Variants in EDIL3 observed in about 807,000 individuals in gnomAD.
The protein encoded by EDIL3 is EGF-like repeat and discoidin I-like domain-containing protein 3.
EDIL3 carries 37 observed loss-of-function variants against 67.4 expected under a neutral mutation model. The ratio of observed to expected loss-of-function variants is 0.55; its 90% CI spans 0.42 to 0.72. The LOEUF is 0.72. Ranked by LOEUF, EDIL3 falls within the 30% of genes least tolerant of loss-of-function variation. The pLI is 0.00. For synonymous variants in EDIL3, 195 were observed against 196.3 expected (o/e 0.99, Z 0.05); for missense variants, 527 against 586.3 (o/e 0.90, Z 1.04).
chr5:84,277,301 G>A (rs776972184), intron 1 of EDIL3, among the ~76,000 whole-genome samples: 20 of 152,012 alleles, frequency 1.3e-4, no homozygotes, highest in Non-Finnish European at 2.5e-4. Flanking sequence ...AGGTTATACC[G>A]AGAAGAGAGC....
intron 1 of EDIL3, among the ~76,000 whole-genome samples, chr5:84,300,712 T>C (rs142295275): frequency 1.6e-4 from 24 of 152,326 alleles, no homozygotes; most frequent in Non-Finnish European, 1.0e-4. Flanking sequence ...ATAATAATTA[T>C]ATAAGTGCTT....
At chr5:84,183,611 A>G (rs960918388) in intron 3 of EDIL3, among the ~76,000 whole-genome samples, 1 of 152,220 alleles carries the variant, frequency 6.6e-6, no homozygotes, top group African/African-American at 2.4e-5. Flanking sequence ...TATGAGAAAA[A>G]TTAGGTTTAA....
intron 4 of EDIL3, among the ~76,000 whole-genome samples, chr5:84,159,671 G>A (rs1305277677): frequency 6.6e-6 from 1 of 151,698 alleles, no homozygotes; most frequent in African/African-American, 2.4e-5. Flanking sequence ...ATAATAAACT[G>A]TATATAGGAA....
chr5:84,334,130 T>C (rs1467789278), intron 1 of EDIL3, among the ~76,000 whole-genome samples: 12 of 150,944 alleles, frequency 7.9e-5, no homozygotes, highest in Non-Finnish European at 8.9e-5. Flanking sequence ...GCAGTGGTGC[T>C]ATCTCGGCTC....
intron 1 of EDIL3, among the ~76,000 whole-genome samples, chr5:84,372,858 TAA>T (rs1389835958): frequency 5.3e-5 from 8 of 152,202 alleles, no homozygotes; most frequent in Non-Finnish European, 8.8e-5. Context: ...CAATTATTAT[TAA>T]GATTGTAATG....
At chr5:84,206,979 C>T (rs1419548501) in intron 3 of EDIL3, among the ~76,000 whole-genome samples, 1 of 152,158 alleles carries the variant, frequency 6.6e-6, no homozygotes. Context: ...CCTTTGAAAA[C>T]TGGCACAAGA....
chr5:84,149,524 C>G (rs558878369), intron 4 of EDIL3, among the ~76,000 whole-genome samples: 151 of 152,238 alleles, frequency 9.9e-4, no homozygotes, highest in Non-Finnish European at 1.9e-3. Flanking sequence ...CTAGAAGGAT[C>G]AAACTGTTTC....
chr5:84,124,469 C>T (rs1051109857), intron 5 of EDIL3, among the ~76,000 whole-genome samples: 3 of 143,960 alleles, frequency 2.1e-5, no homozygotes, highest in African/African-American at 2.5e-5. Context: ...TTGTTCAAAA[C>T]AGGTGAAATG....
At chr5:84,298,852 A>T (rs548253021) in intron 1 of EDIL3, among the ~76,000 whole-genome samples, 1 of 152,152 alleles carries the variant, frequency 6.6e-6, no homozygotes, top group South Asian at 2.1e-4. Flanking sequence ...TTCCTCTCTT[A>T]TCTGATTCAA....
At chr5:84,227,059 C>T (rs1297370887) in intron 3 of EDIL3, among the ~76,000 whole-genome samples, 1 of 151,890 alleles carries the variant, frequency 6.6e-6, no homozygotes, top group Non-Finnish European at 1.5e-5. Context: ...TGGCAGATGA[C>T]TTAGTAAGGT....
chr5:84,113,373 G>T (rs1377961873), intron 5 of EDIL3, among the ~76,000 whole-genome samples: 1 of 152,146 alleles, frequency 6.6e-6, no homozygotes, highest in African/African-American at 2.4e-5. Flanking sequence ...TACACTGCCT[G>T]AATTGTCTGA....
At chr5:84,185,384 T>C (rs1580366619) in intron 3 of EDIL3, among the ~76,000 whole-genome samples, 1 of 152,306 alleles carries the variant, frequency 6.6e-6, no homozygotes, top group South Asian at 2.1e-4. Context: ...TCTGTAATTA[T>C]AATGTGAGAC....
At chr5:84,118,632 G>C (rs1420453052) in intron 5 of EDIL3, among the ~76,000 whole-genome samples, 1 of 152,138 alleles carries the variant, frequency 6.6e-6, no homozygotes, top group Non-Finnish European at 1.5e-5. Flanking sequence ...TAAAGAAAAA[G>C]TGTGTCCTAC....
chr5:84,155,391 G>A (rs1255195706), intron 4 of EDIL3, among the ~76,000 whole-genome samples: 1 of 152,144 alleles, frequency 6.6e-6, no homozygotes, highest in Non-Finnish European at 1.5e-5. Flanking sequence ...TCTCTTAGGG[G>A]ATTTGGCATT....
chr5:84,053,312 G>T (rs373609672), intron 9 of EDIL3, among the ~76,000 whole-genome samples: 4 of 152,022 alleles, frequency 2.6e-5, no homozygotes, highest in South Asian at 2.1e-4. Flanking sequence ...CAAAGCAGTG[G>T]GTAGAGGGAA....
intron 4 of EDIL3, among the ~76,000 whole-genome samples, chr5:84,167,883 T>C (rs1748736453): frequency 6.6e-6 from 1 of 152,192 alleles, no homozygotes; most frequent in Non-Finnish European, 1.5e-5. Flanking sequence ...TAAACTGCAC[T>C]CATTTTATTT....
intron 8 of EDIL3, 133 bp downstream of exon 8, chr5:84,064,567 C>T: frequency 1.8e-6 from 2 of 1,141,226 alleles, no homozygotes; most frequent in Non-Finnish European, 1.2e-6. Flanking sequence ...TTTCCCTGAA[C>T]CATGTTGTAG....
chr5:84,177,540 G>C (rs1239907717), intron 4 of EDIL3, among the ~76,000 whole-genome samples: 1 of 152,096 alleles, frequency 6.6e-6, no homozygotes, highest in African/African-American at 2.4e-5. Flanking sequence ...AAATCCCACA[G>C]AACTATACAA....
intron 2 of EDIL3, among the ~76,000 whole-genome samples, chr5:84,244,444 A>ATTT (rs527421932): frequency 7.6e-6 from 1 of 131,726 alleles, no homozygotes; most frequent in African/African-American, 2.8e-5. Context: ...ACACCTGGCT[A>ATTT]TTTTTTTTTT....
Sources: allele counts gnomAD v4.1 joint callset (sites outside exome capture counted in the v4.1 genomes callset), GRCh38; gene constraint gnomAD v4.1.1; transcripts MANE v1.5; gene names NCBI Gene and HGNC (gene_info 2026-07-23, HGNC 2026-07-21).